C11orf16: variants seen among roughly 807,000 people sequenced by gnomAD.
The protein encoded by C11orf16 is chromosome 11 open reading frame 16.
A neutral mutation model predicts 45.1 loss-of-function variants in C11orf16; 38 were observed. That is an observed-to-expected ratio of 0.84 (90% CI 0.65 to 1.10). C11orf16 has a LOEUF of 1.10. Among genes scored for constraint, C11orf16 ranks in the 50% least tolerant of loss-of-function variants. The pLI is 0.00. For missense variants in C11orf16, 583 were observed against 569.5 expected (o/e 1.02, Z -0.24); for synonymous variants, 221 against 222.0 (o/e 1.00, Z 0.04).
intron 5 of C11orf16, among the ~76,000 whole-genome samples, chr11:8,924,529 AAAC>A (rs372748329): frequency 0.23 from 34,132 of 151,272 alleles, 3,871 homozygotes; most frequent in East Asian, 0.35. Flanking sequence ...CTTTGTCTCA[AAAC>A]AACAACAACA....
chr11:8,921,700 C>T (rs2064575603), intron 5 of C11orf16, among the ~76,000 whole-genome samples, 185 bp from the exon 6 acceptor site: 2 of 152,174 alleles, frequency 1.3e-5, no homozygotes, highest in Admixed American at 1.3e-4. Context: ...GATCATAGCT[C>T]ACTGCAGCCT....
chr11:8,925,831 T>A lies in C11orf16; in HGVS notation c.836A>T (p.Gln279Leu). Reference sequence around the variant, plus strand: ...TGGCGGGCAGCCACAGAGGCAGCCCTGGCACAGTAGCTGGCAGCAGGCATG... The same window carrying A: ...TGGCGGGCAGCCACAGAGGCAGCCCAGGCACAGTAGCTGGCAGCAGGCATG... The part of the protein sequence containing the change: ...HHHACCQLLC[Q>L]GCLCGCPPCG... The change falls in exon 5 of 7, where the codon CAG (glutamine) becomes CTG (leucine). Residue 279 changes from glutamine (Q) to leucine (L), a missense_variant. By Grantham distance (113) the Gln-to-Leu change is moderately radical. Transcript: ENST00000326053. 1.2e-6 allele frequency: 2 copies of A among 1,614,214 alleles called. No individual in the cohort carries two copies. The highest frequency in any genetic ancestry group is 1.7e-6 in the Non-Finnish European group (2 of 1,180,044).
intron 1 of C11orf16, 57 bp from the exon 2 acceptor site, chr11:8,932,383 G>T (rs937693711): frequency 7.0e-7 from 1 of 1,432,626 alleles, no homozygotes; most frequent in Non-Finnish European, 9.3e-7. Flanking sequence ...AGTGGCCACC[G>T]GGGCGAGGCA....
chr11:8,926,636 T>C (rs944772649), intron 4 of C11orf16, among the ~76,000 whole-genome samples: 1 of 152,148 alleles, frequency 6.6e-6, no homozygotes, highest in African/African-American at 2.4e-5. Flanking sequence ...GTCTGGTCCC[T>C]GGAGGACCTG....
chr11:8,930,129 AAAG>A (rs896188729), intron 2 of C11orf16, among the ~76,000 whole-genome samples: 17 of 149,838 alleles, frequency 1.1e-4, no homozygotes, highest in African/African-American at 4.0e-4. Flanking sequence ...AAAAAAAAGA[AAAG>A]AAAAGAGTGC....
In C11orf16 at chr11:8,926,054, C is replaced by G. The variant is rs2064609902; in HGVS notation, c.613G>C (p.Val205Leu). 1.2e-6 allele frequency: 2 copies of G among 1,613,258 alleles called. No homozygotes were observed. Among genetic ancestry groups the G allele is most frequent in the Admixed American group, 1.7e-5 (1 of 59,958 alleles). The change falls in exon 5 of 7, where the codon GTG (valine) becomes CTG (leucine). Residue 205 changes from valine to leucine, a missense_variant. Coordinates refer to ENST00000326053, the MANE Select transcript of C11orf16 (RefSeq NM_020643.3). Reference sequence around the variant, plus strand: ...ACCGACTGGACCCCACCTAGGGGCACTTTAGCAGCTTTGCCATTCCAGAAA... The same window carrying G: ...ACCGACTGGACCCCACCTAGGGGCAGTTTAGCAGCTTTGCCATTCCAGAAA... The part of the protein sequence containing the change: ...VHFWNGKAAK[V>L]PLGGVQSVSL...
intron 5 of C11orf16, among the ~76,000 whole-genome samples, chr11:8,925,086 C>T (rs1256872766): frequency 6.6e-6 from 1 of 152,202 alleles, no homozygotes; most frequent in Non-Finnish European, 1.5e-5. Flanking sequence ...CTCTGATCAA[C>T]ACCTGGAGGC....
At chr11:8,926,635 C>A (rs540825559) in intron 4 of C11orf16, among the ~76,000 whole-genome samples, 16 of 152,112 alleles carry the variant, frequency 1.1e-4, no homozygotes, top group Non-Finnish European at 2.2e-4. Context: ...TGTCTGGTCC[C>A]TGGAGGACCT....
At chr11:8,927,434 C>T (rs2064622155) in intron 3 of C11orf16, 1 of 536,752 alleles carries the variant, frequency 1.9e-6, no homozygotes, top group Non-Finnish European at 3.4e-6. Context: ...CTCTGCCTTT[C>T]CATTCCCTTC....
chr11:8,921,619 T>C, intron 5 of C11orf16, 104 bp from the exon 6 acceptor site: 1 of 1,070,984 alleles, frequency 9.3e-7, no homozygotes, highest in Non-Finnish European at 1.4e-6. Flanking sequence ...TCAAGCATTG[T>C]TTTCTTTTCA....
At chr11:8,921,247 C>T in intron 6 of C11orf16, 47 bp downstream of exon 6, 1 of 1,492,200 alleles carries the variant, frequency 6.7e-7, no homozygotes, top group South Asian at 1.2e-5. Context: ...GTCTAAGACC[C>T]ATGTGAGGAG....
At chr11:8,925,286 G>GA (rs1171259455) in intron 5 of C11orf16, among the ~76,000 whole-genome samples, 177 bp downstream of exon 5, 2 of 152,344 alleles carry the variant, frequency 1.3e-5, no homozygotes, top group South Asian at 2.1e-4. Context: ...AGCTGAAATG[G>GA]AAACCTGCTA....
At chr11:8,922,766 C>T (rs904894811) in intron 5 of C11orf16, among the ~76,000 whole-genome samples, 13 of 152,222 alleles carry the variant, frequency 8.5e-5, no homozygotes, top group African/African-American at 2.9e-4. Context: ...CAAAACAGCA[C>T]ATTTCCTTTA....
At chr11:8,927,971 G>C (rs1589934561) in intron 3 of C11orf16, among the ~76,000 whole-genome samples, 1 of 152,232 alleles carries the variant, frequency 6.6e-6, no homozygotes, top group Non-Finnish European at 1.5e-5. Context: ...GCAATGGCGT[G>C]ATCTTGGTTC....
intron 5 of C11orf16, among the ~76,000 whole-genome samples, chr11:8,922,727 G>T (rs2064583580): frequency 6.6e-6 from 1 of 152,326 alleles, no homozygotes; most frequent in South Asian, 2.1e-4. Context: ...AGCAAGAACT[G>T]ATTAAACATC....
rs2064559156 is a variant in C11orf16, at chr11:8,920,143, A to G, written c.*330T>C. The G allele has an allele frequency of 3.0e-6, 1 of 338,810 alleles. No individual in the cohort carries two copies. The highest frequency in any genetic ancestry group is 2.1e-5 in the African/African-American group (1 of 47,560). 21.0% of individuals were successfully genotyped at this position (338,810 alleles called of 1,614,324 possible). On this transcript the variant is annotated 3_prime_UTR_variant, in exon 7 of 7. Transcript: ENST00000326053. ...CTCATGTACAACTAGGCTTTATGGG[A>G]AGGTGGCAGAGTGGCTGTGGACACA...
intron 5 of C11orf16, among the ~76,000 whole-genome samples, chr11:8,924,258 G>A (rs2064593651): frequency 6.6e-6 from 1 of 152,128 alleles, no homozygotes. Context: ...CAGCTTGGTG[G>A]TTCACGCCTG....
chr11:8,927,390 C>T (rs769742615), intron 3 of C11orf16: 178 of 584,418 alleles, frequency 3.0e-4, no homozygotes, highest in Admixed American at 4.7e-4. Context: ...GAATCTCTTC[C>T]TGCCTCGGGC....
intron 4 of C11orf16, among the ~76,000 whole-genome samples, chr11:8,926,591 T>C (rs1233557107): frequency 6.6e-6 from 1 of 152,128 alleles, no homozygotes; most frequent in Admixed American, 6.5e-5. Context: ...TTCTCTGAAT[T>C]ACAATGGTGC....
Sources: allele counts gnomAD v4.1 joint callset (sites outside exome capture counted in the v4.1 genomes callset), GRCh38; gene constraint gnomAD v4.1.1; transcripts MANE v1.5; gene names NCBI Gene and HGNC (gene_info 2026-07-23, HGNC 2026-07-21).